The following MAPKAP1 variants were observed in gnomAD, a reference collection of about 807,000 sequenced individuals.
MAPKAP1 encodes the protein target of rapamycin complex 2 subunit MAPKAP1.
A neutral mutation model predicts 65.7 loss-of-function variants in MAPKAP1; 20 were observed. That is an observed-to-expected ratio of 0.30 (90% CI 0.21 to 0.44). MAPKAP1 has a LOEUF of 0.44. Among genes scored for constraint, MAPKAP1 ranks in the 20% least tolerant of loss-of-function variants. The pLI is 1.00. For synonymous variants in MAPKAP1, 222 were observed against 244.3 expected, an observed-to-expected ratio of 0.91 and a Z score of 0.85; for missense variants, 423 against 648.0, an observed-to-expected ratio of 0.65 and a Z score of 3.77.
At chr9:125,622,929 G>C (rs982148204) in intron 4 of MAPKAP1, among the ~76,000 whole-genome samples, 2 of 152,108 alleles carry the variant, frequency 1.3e-5, no homozygotes, top group Non-Finnish European at 2.9e-5. Context: ...GCCTCAGTCT[G>C]CCGAATGCCT....
chr9:125,485,589 C>T, intron 8 of MAPKAP1, among the ~76,000 whole-genome samples: 1 of 152,202 alleles, frequency 6.6e-6, no homozygotes, highest in East Asian at 1.9e-4. Flanking sequence ...GTGCTTCAGG[C>T]TTTTATAATT....
intron 1 of MAPKAP1, among the ~76,000 whole-genome samples, chr9:125,691,707 C>T (rs921395283): frequency 8.5e-5 from 13 of 152,142 alleles, no homozygotes; most frequent in Non-Finnish European, 1.5e-4. Flanking sequence ...CAATCTTTGG[C>T]TAGATCCTGA....
intron 7 of MAPKAP1, among the ~76,000 whole-genome samples, chr9:125,527,839 A>G (rs1829817982): frequency 6.6e-6 from 1 of 152,162 alleles, no homozygotes; most frequent in African/African-American, 2.4e-5. Context: ...ACTAATTTCA[A>G]CGGATATGCA....
At chr9:125,443,902 G>A (rs1359790430) in intron 11 of MAPKAP1, among the ~76,000 whole-genome samples, 1 of 151,956 alleles carries the variant, frequency 6.6e-6, no homozygotes, top group African/African-American at 2.4e-5. Flanking sequence ...TGAGACTAAC[G>A]ATCTCTTTGT....
chr9:125,438,146 G>C lies in MAPKAP1; in HGVS notation c.*741C>G. ...GCAGCGTGCCTGAGGACCAGCCACC[G>C]CCCCTCCTCCTGGCACCCCACACTG... On this transcript the variant is annotated 3_prime_UTR_variant, in exon 12 of 12. Transcript: ENST00000265960. The C allele has an allele frequency of 2.6e-6, 1 of 387,814 alleles. No homozygotes were observed. Among genetic ancestry groups the C allele is most frequent in the Non-Finnish European group, 4.6e-6 (1 of 219,706 alleles). The allele number at this position is 387,814 out of a possible 1,614,324, so 24.0% of individuals were successfully genotyped here.
At position 125,484,541 on chromosome 9, in the gene MAPKAP1, T is replaced by C. The variant is rs766979177; in HGVS notation, c.1109A>G (p.Asp370Gly). Residue 370 changes from aspartate (D) to glycine (G), a missense_variant, in exon 9 of 12, where the codon GAC becomes GGC. By Grantham distance (94) the Asp-to-Gly change is moderately conservative (BLOSUM62 -1). This residue lies in a region of MAPKAP1 where 185 missense variants were observed against 268.1 expected (regional missense o/e 0.69). Coordinates refer to ENST00000265960, the MANE Select transcript of MAPKAP1 (RefSeq NM_001006617.3). The stretch of plus-strand genomic sequence containing the variant: ...AAGCATATCCTGTACTGTGGCTATG[T>C]CAATTTGCGAATCCTCCTCAAAAAC... Reference protein sequence around the residue: ...DGVFEEDSQIDIATVQDMLSS... With the variant: ...DGVFEEDSQIGIATVQDMLSS... 2 of 1,612,042 alleles carry C rather than the reference T, an allele frequency of 1.2e-6. No individual in the cohort carries two copies. Among genetic ancestry groups the C allele is most frequent in the African/African-American group, 1.3e-5 (1 of 75,010 alleles).
intron 7 of MAPKAP1, among the ~76,000 whole-genome samples, chr9:125,522,197 G>C (rs1366173091): frequency 6.6e-6 from 1 of 152,244 alleles, no homozygotes; most frequent in East Asian, 1.9e-4. Flanking sequence ...CACTGCCAGT[G>C]AATGGTTGGA....
chr9:125,548,117 C>A (rs1210189333), intron 6 of MAPKAP1, among the ~76,000 whole-genome samples: 1 of 152,282 alleles, frequency 6.6e-6, no homozygotes, highest in Non-Finnish European at 1.5e-5. Context: ...ACAATTATTA[C>A]ACCCATTTTA....
At chr9:125,460,007 T>C (rs1853422432) in intron 10 of MAPKAP1, among the ~76,000 whole-genome samples, 1 of 146,112 alleles carries the variant, frequency 6.8e-6, no homozygotes, top group South Asian at 2.2e-4. Context: ...AATTTGGAGC[T>C]TGGCAGGAGG....
chr9:125,509,124 T>G (rs1360336232), intron 7 of MAPKAP1, among the ~76,000 whole-genome samples: 1 of 152,110 alleles, frequency 6.6e-6, no homozygotes, highest in Non-Finnish European at 1.5e-5. Context: ...GCTAGAATAG[T>G]GGACATGAAA....
At chr9:125,551,542 C>T (rs1171255596) in intron 6 of MAPKAP1, among the ~76,000 whole-genome samples, 1 of 152,082 alleles carries the variant, frequency 6.6e-6, no homozygotes, top group Non-Finnish European at 1.5e-5. Context: ...TCCTCATGTT[C>T]CTCTAATATA....
intron 9 of MAPKAP1, among the ~76,000 whole-genome samples, chr9:125,474,300 A>AT (rs1564523588): frequency 2.0e-5 from 3 of 152,170 alleles, no homozygotes; most frequent in African/African-American, 7.2e-5. Context: ...GTCACTGGGC[A>AT]TATCTCCTCC....
chr9:125,499,243 T>C (rs1828899827), intron 8 of MAPKAP1, among the ~76,000 whole-genome samples: 1 of 152,220 alleles, frequency 6.6e-6, no homozygotes, highest in South Asian at 2.1e-4. Context: ...GGGAGGCTGT[T>C]CTAATCAAAC....
chr9:125,515,225 G>GA (rs1446167963), intron 7 of MAPKAP1, among the ~76,000 whole-genome samples: 1 of 152,060 alleles, frequency 6.6e-6, no homozygotes, highest in African/African-American at 2.4e-5. Context: ...TACAAAAGAA[G>GA]AAAGACCAAG....
At chr9:125,493,038 C>G (rs1854794223) in intron 8 of MAPKAP1, among the ~76,000 whole-genome samples, 1 of 150,752 alleles carries the variant, frequency 6.6e-6, no homozygotes, top group Non-Finnish European at 1.5e-5. Flanking sequence ...CAGGGAACAC[C>G]AAGTGTTTGC....
At chr9:125,577,803 G>A (rs1166262064) in intron 5 of MAPKAP1, among the ~76,000 whole-genome samples, 3 of 149,224 alleles carry the variant, frequency 2.0e-5, no homozygotes, top group Non-Finnish European at 4.5e-5. Context: ...GTCCAGGAGG[G>A]AGGATGGGGG....
chr9:125,504,350 C>G (rs1829076028), intron 8 of MAPKAP1, among the ~76,000 whole-genome samples: 1 of 152,204 alleles, frequency 6.6e-6, no homozygotes, highest in Non-Finnish European at 1.5e-5. Context: ...GTACTTATAA[C>G]TGGTTGCAGA....
chr9:125,553,367 A>C (rs980866076), intron 6 of MAPKAP1, among the ~76,000 whole-genome samples: 14 of 151,708 alleles, frequency 9.2e-5, no homozygotes, highest in African/African-American at 3.1e-4. Flanking sequence ...CATGGCGAAA[A>C]CCCATCTCTA....
At chr9:125,566,520 C>T (rs1464629486) in intron 5 of MAPKAP1, among the ~76,000 whole-genome samples, 7 of 152,078 alleles carry the variant, frequency 4.6e-5, no homozygotes, top group Non-Finnish European at 8.8e-5. Flanking sequence ...GCTGCGATTG[C>T]ACCCCTGCAG....
Sources: allele counts gnomAD v4.1 joint callset (sites outside exome capture counted in the v4.1 genomes callset), GRCh38; gene constraint gnomAD v4.1.1; regional missense constraint gnomAD v4.1.1; transcripts MANE v1.5; gene names NCBI Gene and HGNC (gene_info 2026-07-23, HGNC 2026-07-21).